The following MYOM1 variants were observed in gnomAD, a reference collection of about 807,000 sequenced individuals.
MYOM1 encodes myomesin 1.
In MYOM1, 164 loss-of-function variants were observed where a neutral mutation model predicts 205.3. That is an observed-to-expected ratio of 0.80 (90% CI 0.70 to 0.91). The LOEUF (loss-of-function observed/expected upper bound fraction) is 0.91, where lower values mean the gene tolerates loss of function less well. MYOM1 is among the 40% of genes least tolerant of loss of function. The pLI, the probability that MYOM1 is intolerant of heterozygous loss-of-function variation, is 0.00. For missense variants in MYOM1, 2,011 were observed against 2,127.3 expected (o/e 0.95, Z 1.08); for synonymous variants, 772 against 789.4 (o/e 0.98, Z 0.37).
chr18:3,226,911 C>T, the MYOM1 span, among the ~76,000 whole-genome samples: 10 of 152,170 alleles, frequency 6.6e-5, no homozygotes, highest in Non-Finnish European at 1.3e-4. The surrounding 1 kb of genome is among the most constrained non-coding windows in gnomAD (Gnocchi z 4.6). Flanking sequence ...TGTTCAGCTG[C>T]GGGGAGGACA....
At chr18:3,137,648 T>C (rs1051740671) in intron 14 of MYOM1, among the ~76,000 whole-genome samples, 7 of 152,144 alleles carry the variant, frequency 4.6e-5, no homozygotes, top group Non-Finnish European at 8.8e-5. Context: ...GGAATGGTGG[T>C]TACCAGAGGC....
chr18:3,141,633 T>C (rs2080050689), intron 14 of MYOM1, among the ~76,000 whole-genome samples: 1 of 152,174 alleles, frequency 6.6e-6, no homozygotes, highest in Non-Finnish European at 1.5e-5. Context: ...CTAGAAAACA[T>C]TGTCATACAG....
At chr18:3,181,265 G>A (rs2080726878) in intron 5 of MYOM1, among the ~76,000 whole-genome samples, 1 of 152,098 alleles carries the variant, frequency 6.6e-6, no homozygotes, top group Non-Finnish European at 1.5e-5. Flanking sequence ...CCACAAATGA[G>A]ATTGCTGCTT....
At chr18:3,082,963 T>G (rs1401094569) in intron 33 of MYOM1, among the ~76,000 whole-genome samples, 2 of 152,220 alleles carry the variant, frequency 1.3e-5, no homozygotes, top group Non-Finnish European at 2.9e-5. Flanking sequence ...ATTAGGCTTC[T>G]TTGGTGAATG....
chr18:3,145,005 A>G (rs2080104520), intron 13 of MYOM1, among the ~76,000 whole-genome samples: 2 of 152,172 alleles, frequency 1.3e-5, no homozygotes, highest in Admixed American at 1.3e-4. Flanking sequence ...AAAACTCAAC[A>G]ATAGCAGAAT....
At chr18:3,239,436 A>C in the MYOM1 span, among the ~76,000 whole-genome samples, 1 of 152,170 alleles carries the variant, frequency 6.6e-6, no homozygotes, top group African/African-American at 2.4e-5. Flanking sequence ...TGAAGAGACA[A>C]AAGTTATAAA....
intron 10 of MYOM1, among the ~76,000 whole-genome samples, chr18:3,163,745 G>A (rs1445686716): frequency 6.6e-6 from 1 of 151,618 alleles, no homozygotes; most frequent in Non-Finnish European, 1.5e-5. Flanking sequence ...TGAGCCACCG[G>A]GCCTAGGTCT....
At position 3,129,253 on chromosome 18, in the gene MYOM1, G is replaced by A. The variant is rs904719737; in HGVS notation, c.2773C>T (p.Leu925=). Residue 925 remains leucine (L), a synonymous_variant, in exon 18 of 38, where the codon CTG becomes TTG. Coordinates refer to ENST00000356443, the MANE Select transcript of MYOM1 (RefSeq NM_003803.4). The part of the protein sequence containing the change: ...APQGKSKSDP[L]KKKTDRAPPS... ...TCACCTCTGTCTGTCTTCTTTTTCA[G>A]GGGGTCAGACTTACTTTTCCCCTGA... 1.9e-6 allele frequency: 3 copies of A among 1,613,548 alleles called. No individual in the cohort carries two copies. Among genetic ancestry groups the A allele is most frequent in the South Asian group, 1.1e-5 (1 of 91,056 alleles).
intron 19 of MYOM1, 38 bp from the exon 20 acceptor site, chr18:3,120,033 A>C: frequency 6.6e-7 from 1 of 1,525,936 alleles, no homozygotes. Context: ...TGAATGTTCC[A>C]GGTTTGTTTT....
chr18:3,197,352 G>A (rs577656697), intron 2 of MYOM1, among the ~76,000 whole-genome samples: 26 of 151,912 alleles, frequency 1.7e-4, no homozygotes, highest in African/African-American at 6.0e-4. Flanking sequence ...TGGCCAGGCT[G>A]GTCTCAAACT....
At chr18:3,074,132 A>G (rs2078993949) in intron 36 of MYOM1, among the ~76,000 whole-genome samples, 1 of 152,232 alleles carries the variant, frequency 6.6e-6, no homozygotes, top group Non-Finnish European at 1.5e-5. Flanking sequence ...CTGGAAAGAC[A>G]GAAAACTGCT....
intron 30 of MYOM1, among the ~76,000 whole-genome samples, chr18:3,085,600 G>C (rs1181171445): frequency 6.6e-6 from 1 of 152,068 alleles, no homozygotes; most frequent in Non-Finnish European, 1.5e-5. Context: ...GAGGCTTAAT[G>C]TCCTTACTTT....
At chr18:3,156,655 G>T (rs895681158) in intron 10 of MYOM1, among the ~76,000 whole-genome samples, 1 of 151,350 alleles carries the variant, frequency 6.6e-6, no homozygotes, top group Non-Finnish European at 1.5e-5. Flanking sequence ...ACCCAGGCTG[G>T]AGGGCAGAGG....
intron 12 of MYOM1, among the ~76,000 whole-genome samples, chr18:3,151,455 TAATAA>T (rs71366640): frequency 1.4e-5 from 2 of 139,298 alleles, no homozygotes; most frequent in Admixed American, 7.7e-5. Context: ...AAATATAAAA[TAATAA>T]AATAAAATAA....
At chr18:3,204,278 AT>A (rs1262711011) in intron 2 of MYOM1, among the ~76,000 whole-genome samples, 4 of 151,984 alleles carry the variant, frequency 2.6e-5, no homozygotes, top group African/African-American at 9.6e-5. Flanking sequence ...AATTGAAAAG[AT>A]GTAAATCTAC....
chr18:3,194,669 G>A (rs940228369), intron 2 of MYOM1, among the ~76,000 whole-genome samples: 1 of 152,150 alleles, frequency 6.6e-6, no homozygotes, highest in African/African-American at 2.4e-5. Context: ...GAAAAGGACT[G>A]ATGAAATGAA....
rs117818277 is a variant in MYOM1, at chr18:3,200,137, C to T, written c.291-6179G>A. On this transcript the variant is annotated intron_variant, in intron 2 of 37. Coordinates refer to ENST00000356443, the MANE Select transcript of MYOM1 (RefSeq NM_003803.4). ...AAAACTGAGATCACACCACTGCACT[C>T]CAGACTGGGCAACAGAGTGAGACTC... 9.7e-3 allele frequency among the ~76,000 whole-genome samples: 1,477 copies of T among 152,234 alleles called. 12 individuals carry two copies. The highest frequency in any genetic ancestry group is 0.015 in the Non-Finnish European group (1,038 of 68,012).
intron 2 of MYOM1, among the ~76,000 whole-genome samples, chr18:3,210,391 T>G (rs575263550): frequency 6.6e-6 from 1 of 152,296 alleles, no homozygotes; most frequent in East Asian, 1.9e-4. Flanking sequence ...GGGTGGTTGA[T>G]CAATGTGACA....
chr18:3,110,349 G>A (rs1308711968), intron 22 of MYOM1, among the ~76,000 whole-genome samples: 2 of 152,124 alleles, frequency 1.3e-5, no homozygotes, highest in Non-Finnish European at 2.9e-5. Flanking sequence ...TTTCAGACGA[G>A]GACTGGCGGC....
Sources: allele counts gnomAD v4.1 joint callset (sites outside exome capture counted in the v4.1 genomes callset), GRCh38; gene constraint gnomAD v4.1.1; non-coding constraint Gnocchi (gnomAD v3.1); transcripts MANE v1.5; gene names NCBI Gene and HGNC (gene_info 2026-07-23, HGNC 2026-07-21).